The following ACYP2 variants were observed in gnomAD, a reference collection of about 807,000 sequenced individuals.
The protein encoded by ACYP2 is acylphosphatase-2.
ACYP2 carries 12 observed loss-of-function variants against 11.2 expected under a neutral mutation model. The observed-to-expected ratio is 1.08, with a 90% CI of 0.69 to 1.74. The LOEUF (loss-of-function observed/expected upper bound fraction) is 1.74. Ranked by LOEUF, ACYP2 falls within the 40% of genes most tolerant of loss-of-function variation. The pLI, the probability that ACYP2 is intolerant of heterozygous loss-of-function variation, is 0.00. For missense variants in ACYP2, 134 were observed against 101.9 expected (o/e 1.31, Z -1.35); for synonymous variants, 43 against 32.2 (o/e 1.33, Z -1.13).
At chr2:54,098,504 C>G (rs1678714626) in intron 4 of ACYP2, among the ~76,000 whole-genome samples, 1 of 152,172 alleles carries the variant, frequency 6.6e-6, no homozygotes, top group Non-Finnish European at 1.5e-5. Context: ...ATTGCTTTCT[C>G]ATAGTGTCCT....
chr2:54,172,935 C>T (rs1376140905), intron 6 of ACYP2, among the ~76,000 whole-genome samples: 1 of 152,200 alleles, frequency 6.6e-6, no homozygotes, highest in African/African-American at 2.4e-5. Context: ...TTTTCTTAAT[C>T]CACTCTATCA....
rs534010243 is a variant in ACYP2 at position 54,068,272 on chromosome 2, T to C, written c.277+10912T>C. ...TGTTGTACGCACTCTTTAGTATATC[T>C]TCCTACCTTATAAAAGATCTACCTT... is the stretch of plus-strand genomic sequence containing the variant. On this transcript the variant is annotated intron_variant, in intron 4 of 6. Transcript: ENST00000607452. Among the ~76,000 whole-genome samples the C allele has an allele frequency of 9.2e-5, 14 of 152,308 alleles. No individual in the cohort carries two copies. In the South Asian group the frequency reaches 2.5e-3, roughly 27 times the overall value.
chr2:54,109,838 G>A (rs1023764248), intron 4 of ACYP2, among the ~76,000 whole-genome samples: 2 of 152,016 alleles, frequency 1.3e-5, no homozygotes, highest in Non-Finnish European at 2.9e-5. Context: ...CATTGTTAAT[G>A]ATAAATGGTA....
intron 6 of ACYP2, among the ~76,000 whole-genome samples, chr2:54,163,566 T>G (rs1037077479): frequency 1.3e-5 from 2 of 152,156 alleles, no homozygotes; most frequent in Non-Finnish European, 2.9e-5. Context: ...CATAAATGTT[T>G]GTTATCGGCT....
intron 2 of ACYP2, among the ~76,000 whole-genome samples, chr2:53,985,289 G>A (rs1293968213): frequency 1.3e-5 from 2 of 151,792 alleles, no homozygotes; most frequent in Non-Finnish European, 2.9e-5. Context: ...GGATGGTCTC[G>A]ATCTTCTGAC....
intron 3 of ACYP2, among the ~76,000 whole-genome samples, chr2:54,053,792 C>T (rs1675986263): frequency 1.3e-5 from 2 of 152,230 alleles, no homozygotes; most frequent in Non-Finnish European, 2.9e-5. Flanking sequence ...GAGTCACTCT[C>T]CTATCTTTCT....
intron 6 of ACYP2, among the ~76,000 whole-genome samples, chr2:54,157,471 C>A (rs2103821467): frequency 6.6e-6 from 1 of 152,264 alleles, no homozygotes; most frequent in South Asian, 2.1e-4. Flanking sequence ...ACTGGGCATT[C>A]AGCTTTCTGC....
intron 6 of ACYP2, among the ~76,000 whole-genome samples, chr2:54,230,425 C>G (rs926887769): frequency 1.3e-5 from 2 of 152,084 alleles, no homozygotes; most frequent in East Asian, 3.8e-4. Context: ...GGCGTGATCT[C>G]GACTCACCAC....
intron 6 of ACYP2, among the ~76,000 whole-genome samples, chr2:54,262,730 A>G (rs1379577137): frequency 6.6e-6 from 1 of 151,742 alleles, no homozygotes; most frequent in African/African-American, 2.4e-5. Flanking sequence ...TTTTTTTTAG[A>G]AATAACTTTT....
intron 6 of ACYP2, chr2:54,223,220 T>G (rs553431236): frequency 5.9e-5 from 9 of 152,220 alleles, no homozygotes; most frequent in Non-Finnish European, 1.2e-4. Flanking sequence ...AAATGGAATT[T>G]CATTGAATTT....
At chr2:54,232,067 A>G (rs896580128) in intron 6 of ACYP2, among the ~76,000 whole-genome samples, 7 of 152,188 alleles carry the variant, frequency 4.6e-5, no homozygotes, top group Non-Finnish European at 1.0e-4. Context: ...TCATCAAACC[A>G]TATTAGTTAG....
intron 6 of ACYP2, among the ~76,000 whole-genome samples, chr2:54,184,267 A>G (rs1166450925): frequency 6.6e-6 from 1 of 152,214 alleles, no homozygotes; most frequent in Non-Finnish European, 1.5e-5. Context: ...GAGTGGTATT[A>G]GCAAGAGAAT....
At position 54,299,524 on chromosome 2, in the gene ACYP2, G is replaced by A. The variant is rs570108579; in HGVS notation, c.405-5164G>A. ...GGAGAATTGCTTGAACTTGGGAGGC[G>A]GAGATTGCAGTGAGCCCAGATTGCG... On this transcript the variant is annotated intron_variant, in intron 6 of 6. Transcript: ENST00000607452. Among the ~76,000 whole-genome samples, 15 of 151,548 alleles carry A rather than the reference G, an allele frequency of 9.9e-5. No homozygotes were observed. In the South Asian group the frequency reaches 1.3e-3, roughly 13 times the overall value.
chr2:54,111,041 G>A (rs1679434316), intron 4 of ACYP2, among the ~76,000 whole-genome samples: 1 of 152,102 alleles, frequency 6.6e-6, no homozygotes, highest in Non-Finnish European at 1.5e-5. Flanking sequence ...AGTTTAAAAT[G>A]GATCCCACCC....
rs1558662876 is a variant in ACYP2, at chr2:54,276,653, ACACACACAC to A, written c.405-28026_405-28018del. 2.0e-5 allele frequency among the ~76,000 whole-genome samples: 3 copies of A among 148,462 alleles called. 1 individual carries two copies. Among genetic ancestry groups the A allele is most frequent in the African/African-American group, 7.8e-5 (3 of 38,546 alleles). ...CACACACACACACACACACACACACACACACACACCACACACAAGAAAAATTGTTTTTTT... is the reference window on the plus strand; with the variant it reads ...CACACACACACACACACACACACACACACACACAAGAAAAATTGTTTTTTT... On this transcript the variant is annotated intron_variant, in intron 6 of 6. Transcript: ENST00000607452.
chr2:53,989,573 A>G (rs1207551485), intron 2 of ACYP2, among the ~76,000 whole-genome samples: 1 of 152,176 alleles, frequency 6.6e-6, no homozygotes, highest in Non-Finnish European at 1.5e-5. Flanking sequence ...ATCTCCCATT[A>G]TCTAGGTCTT....
chr2:54,204,224 C>G (rs1242408053), intron 6 of ACYP2, among the ~76,000 whole-genome samples: 1 of 151,936 alleles, frequency 6.6e-6, no homozygotes, highest in African/African-American at 2.4e-5. Context: ...GTCTCGAACT[C>G]CTGACCTCAT....
chr2:54,209,358 C>G (rs1685229500), intron 6 of ACYP2, among the ~76,000 whole-genome samples: 1 of 152,134 alleles, frequency 6.6e-6, no homozygotes, highest in African/African-American at 2.4e-5. Flanking sequence ...TTTGAATACC[C>G]TGTCCATCCT....
chr2:54,250,010 T>G (rs767924141), intron 6 of ACYP2, among the ~76,000 whole-genome samples: 11 of 151,096 alleles, frequency 7.3e-5, no homozygotes, highest in African/African-American at 2.4e-4. Flanking sequence ...TTGCTTAAGT[T>G]AACATCTGGT....
Sources: allele counts gnomAD v4.1 joint callset (sites outside exome capture counted in the v4.1 genomes callset), GRCh38; gene constraint gnomAD v4.1.1; transcripts MANE v1.5; gene names NCBI Gene and HGNC (gene_info 2026-07-23, HGNC 2026-07-21).